The following GALK2 variants were observed in gnomAD, a reference collection of about 807,000 sequenced individuals.
GALK2 encodes N-acetylgalactosamine kinase.
Under a neutral mutation model 52.4 loss-of-function variants are expected in GALK2, and 36 were observed. The ratio of observed to expected loss-of-function variants is 0.69; its 90% CI spans 0.53 to 0.91. GALK2 has a LOEUF of 0.91. GALK2 is among the 40% of genes least tolerant of loss of function. The pLI is 0.00. For missense variants in GALK2, 579 were observed against 559.1 expected (o/e 1.04, Z -0.36); for synonymous variants, 176 against 199.1 (o/e 0.88, Z 0.98).
intron 9 of GALK2, among the ~76,000 whole-genome samples, chr15:49,324,935 A>G (rs1219213076): frequency 6.6e-6 from 1 of 152,174 alleles, no homozygotes; most frequent in Non-Finnish European, 1.5e-5. Flanking sequence ...TGTATAATAT[A>G]TATTTACTTA....
At chr15:49,312,411 G>A (rs560895765) in intron 8 of GALK2, among the ~76,000 whole-genome samples, 1 of 152,318 alleles carries the variant, frequency 6.6e-6, no homozygotes, top group African/African-American at 2.4e-5. Flanking sequence ...CAGATTCTAT[G>A]TTCTTCAGCC....
At chr15:49,191,392 A>C (rs1247236558) in intron 1 of GALK2, among the ~76,000 whole-genome samples, 2 of 152,118 alleles carry the variant, frequency 1.3e-5, no homozygotes, top group Admixed American at 1.3e-4. Flanking sequence ...CTGATGTGGA[A>C]CTTTAGTACC....
At chr15:49,352,145 G>A (rs1300644093) in intron 3 of GALK2, among the ~76,000 whole-genome samples, 1 of 152,044 alleles carries the variant, frequency 6.6e-6, no homozygotes, top group East Asian at 1.9e-4. Flanking sequence ...CTCTCCATAT[G>A]GTCTGAACTT....
chr15:49,220,895 T>C (rs1054856865), intron 3 of GALK2, among the ~76,000 whole-genome samples: 3 of 152,190 alleles, frequency 2.0e-5, no homozygotes, highest in East Asian at 1.9e-4. Flanking sequence ...GAAAAATGTC[T>C]CTTCATGTTA....
chr15:49,285,631 A>G (rs1050041725), intron 7 of GALK2, among the ~76,000 whole-genome samples: 4 of 152,186 alleles, frequency 2.6e-5, no homozygotes, highest in African/African-American at 9.6e-5. Context: ...AATGAATCAT[A>G]GACCTCTCAA....
chr15:49,242,583 C>A (rs918450968), intron 5 of GALK2, among the ~76,000 whole-genome samples: 27 of 152,290 alleles, frequency 1.8e-4, no homozygotes, highest in African/African-American at 6.0e-4. Context: ...ATCCAGTAAA[C>A]CCCATTCAGT....
intron 8 of GALK2, among the ~76,000 whole-genome samples, chr15:49,315,229 A>C (rs1215523726): frequency 3.9e-5 from 6 of 152,220 alleles, no homozygotes. Flanking sequence ...GGCCATTAAC[A>C]ATATTGGAGG....
At chr15:49,184,244 G>GTT (rs567765044) in intron 1 of GALK2, among the ~76,000 whole-genome samples, 1 of 146,966 alleles carries the variant, frequency 6.8e-6, no homozygotes. Flanking sequence ...TCTTCTTATA[G>GTT]TTTTTTTTTT....
At chr15:49,227,344 C>T (rs1240139657) in intron 3 of GALK2, among the ~76,000 whole-genome samples, 1 of 152,010 alleles carries the variant, frequency 6.6e-6, no homozygotes, top group Non-Finnish European at 1.5e-5. Flanking sequence ...TTGTCATATC[C>T]TTTGCTAATT....
intron 1 of GALK2, among the ~76,000 whole-genome samples, chr15:49,196,557 G>C (rs932863472): frequency 6.6e-6 from 1 of 152,080 alleles, no homozygotes; most frequent in Admixed American, 6.5e-5. Flanking sequence ...AATGTTCCAT[G>C]TACTCTTGAG....
chr15:49,358,475 C>A (rs568108265), intron 3 of GALK2, among the ~76,000 whole-genome samples: 4 of 143,460 alleles, frequency 2.8e-5, no homozygotes, highest in African/African-American at 7.8e-5. Context: ...CATGAGTGAA[C>A]TCCCATTCAC....
intron 1 of GALK2, among the ~76,000 whole-genome samples, chr15:49,188,002 G>T (rs535330907): frequency 4.6e-5 from 7 of 152,106 alleles, no homozygotes; most frequent in Non-Finnish European, 8.8e-5. Context: ...CAAGCAGAAC[G>T]AGTCTCTTTC....
At chr15:49,347,063 G>T (rs1468452147) in intron 3 of GALK2, among the ~76,000 whole-genome samples, 8 of 152,156 alleles carry the variant, frequency 5.3e-5, no homozygotes, top group Non-Finnish European at 2.9e-5. Context: ...AAATGGCCTA[G>T]AATTATATGT....
chr15:49,281,504 T>G (rs2032691685), intron 5 of GALK2, among the ~76,000 whole-genome samples: 1 of 152,236 alleles, frequency 6.6e-6, no homozygotes, highest in Admixed American at 6.5e-5. Context: ...CAGTTCTGAT[T>G]CTTACATTTA....
chr15:49,232,549 T>C (rs1175405275), intron 3 of GALK2, among the ~76,000 whole-genome samples: 2 of 152,226 alleles, frequency 1.3e-5, no homozygotes, highest in African/African-American at 4.8e-5. Context: ...GCCTTTTCTT[T>C]TCTACCACAT....
At chr15:49,301,649 A>G (rs2035127340) in intron 8 of GALK2, among the ~76,000 whole-genome samples, 1 of 151,880 alleles carries the variant, frequency 6.6e-6, no homozygotes, top group Non-Finnish European at 1.5e-5. Context: ...AAAAAAAAGG[A>G]ATTTGTTGGG....
intron 1 of GALK2, among the ~76,000 whole-genome samples, chr15:49,170,736 C>T (rs1191787892): frequency 1.3e-5 from 2 of 152,160 alleles, no homozygotes; most frequent in Non-Finnish European, 2.9e-5. Context: ...TAAAAGTCTT[C>T]TTTCTAAATA....
At chr15:49,323,165 T>C (rs1229569772) in intron 9 of GALK2, among the ~76,000 whole-genome samples, 1 of 152,054 alleles carries the variant, frequency 6.6e-6, no homozygotes, top group Non-Finnish European at 1.5e-5. Flanking sequence ...CCTAGTTCCT[T>C]CTGAAGCCTT....
At chr15:49,251,163 A>T (rs896137707) in intron 5 of GALK2, among the ~76,000 whole-genome samples, 1 of 152,210 alleles carries the variant, frequency 6.6e-6, no homozygotes, top group East Asian at 1.9e-4. Flanking sequence ...CTCTCATGAC[A>T]TTGGATACAA....
Sources: allele counts gnomAD v4.1 joint callset (sites outside exome capture counted in the v4.1 genomes callset), GRCh38; gene constraint gnomAD v4.1.1; transcripts MANE v1.5; gene names NCBI Gene and HGNC (gene_info 2026-07-23, HGNC 2026-07-21).